PDE10A: variants seen among roughly 807,000 people sequenced by gnomAD.
PDE10A encodes cAMP and cAMP-inhibited cGMP 3',5'-cyclic phosphodiesterase 10A.
Under a neutral mutation model 97.7 loss-of-function variants are expected in PDE10A, and 39 were observed. That is an observed-to-expected ratio of 0.40 (90% confidence interval 0.31 to 0.52). The LOEUF is 0.52. Among genes scored for constraint, PDE10A ranks in the 20% least tolerant of loss-of-function variants. PDE10A has a pLI of 0.56. For missense variants in PDE10A, 731 were observed against 1,047.8 expected (o/e 0.70, Z 4.17); for synonymous variants, 371 against 376.8 (o/e 0.98, Z 0.18).
Position 165,395,282 on chromosome 6 carries a change from C to G in PDE10A, c.2220-18G>C. 4 of 1,501,196 alleles carry G rather than the reference C, an allele frequency of 2.7e-6. No homozygotes were observed. Among genetic ancestry groups the G allele is most frequent in the Non-Finnish European group, 3.7e-6 (4 of 1,077,466 alleles). The allele number at this position is 1,501,196 out of a possible 1,614,324, so 93.0% of individuals were successfully genotyped here. A position where few individuals can be genotyped will look rare whatever the true frequency, so the allele number is the denominator to read the frequency against. ...AGTGGAATCTGAAATTTTAAAAGGG[C>G]AGTTTATCACTAAACGTGATTAGAA... is the stretch of plus-strand genomic sequence containing the variant. On this transcript the variant is annotated intron_variant, in intron 14 of 21. Transcript: ENST00000539869.
intron 1 of PDE10A, among the ~76,000 whole-genome samples, chr6:165,868,632 G>A (rs1056765468): frequency 1.3e-5 from 2 of 151,974 alleles, no homozygotes; most frequent in Non-Finnish European, 2.9e-5. Context: ...AAAAATTGAA[G>A]AGAAGGAAAT....
At chr6:165,356,532 G>GT (rs1783039289) in intron 18 of PDE10A, among the ~76,000 whole-genome samples, 1 of 151,930 alleles carries the variant, frequency 6.6e-6, no homozygotes, top group Admixed American at 6.6e-5. Context: ...TAAGGATCTT[G>GT]TTTTTTAGCA....
chr6:165,707,580 C>CTG (rs934988839), intron 1 of PDE10A, among the ~76,000 whole-genome samples: 4 of 151,828 alleles, frequency 2.6e-5, no homozygotes, highest in Non-Finnish European at 2.9e-5. Flanking sequence ...CATGCTTGCA[C>CTG]TGTGTGTGTG....
chr6:165,940,286 G>A (rs1382144617), intron 1 of PDE10A: 3 of 152,226 alleles, frequency 2.0e-5, no homozygotes, highest in African/African-American at 7.2e-5. Context: ...AGACAGGGTT[G>A]GCCCAAATAA....
At chr6:165,861,360 A>G (rs1366020630) in intron 1 of PDE10A, among the ~76,000 whole-genome samples, 1 of 151,792 alleles carries the variant, frequency 6.6e-6, no homozygotes, top group African/African-American at 2.4e-5. Flanking sequence ...CAATGAGCAG[A>G]TAGTAAAACA....
chr6:165,639,269 T>C (rs1206765655), intron 1 of PDE10A, among the ~76,000 whole-genome samples: 1 of 152,210 alleles, frequency 6.6e-6, no homozygotes, highest in African/African-American at 2.4e-5. Flanking sequence ...CTCCAGTCAA[T>C]TGACTGCAAG....
intron 1 of PDE10A, among the ~76,000 whole-genome samples, chr6:165,583,476 G>A (rs765463337): frequency 6.6e-6 from 1 of 152,214 alleles, no homozygotes; most frequent in African/African-American, 2.4e-5. Flanking sequence ...ATCTTGAGAG[G>A]AGGAGTTTAC....
intron 1 of PDE10A, among the ~76,000 whole-genome samples, chr6:165,811,195 C>G (rs760979222): frequency 2.0e-5 from 3 of 152,198 alleles, no homozygotes; most frequent in Non-Finnish European, 4.4e-5. Flanking sequence ...TGCACTCCAG[C>G]CTGGGTGACA....
chr6:165,586,983 C>T (rs1019771103), intron 1 of PDE10A, among the ~76,000 whole-genome samples: 1 of 152,150 alleles, frequency 6.6e-6, no homozygotes, highest in African/African-American at 2.4e-5. Flanking sequence ...GTGGCAGCAC[C>T]TTTGGAACCA....
intron 10 of PDE10A, among the ~76,000 whole-genome samples, chr6:165,424,656 A>G (rs1413418971): frequency 6.6e-6 from 1 of 152,174 alleles, no homozygotes; most frequent in Admixed American, 6.5e-5. Flanking sequence ...CCAAAGATAG[A>G]AAAAAAGAAC....
At chr6:165,431,631 T>TAC (rs1789583077) in intron 7 of PDE10A, among the ~76,000 whole-genome samples, 159 bp from the exon 8 acceptor site, 1 of 146,972 alleles carries the variant, frequency 6.8e-6, no homozygotes, top group African/African-American at 2.5e-5. Context: ...CATATATATA[T>TAC]ATATACACAC....
chr6:165,716,938 C>T (rs1476407766), intron 1 of PDE10A, among the ~76,000 whole-genome samples: 2 of 152,164 alleles, frequency 1.3e-5, no homozygotes, highest in African/African-American at 4.8e-5. Flanking sequence ...CGTCCATCTC[C>T]AGAACACTTT....
chr6:165,642,004 G>A (rs569632116), intron 1 of PDE10A, among the ~76,000 whole-genome samples: 5 of 116,770 alleles, frequency 4.3e-5, no homozygotes, highest in South Asian at 2.9e-4. Flanking sequence ...CATTCGGGGC[G>A]TGGAATCATG....
At chr6:165,925,730 A>C (rs1782913262) in intron 1 of PDE10A, among the ~76,000 whole-genome samples, 1 of 152,256 alleles carries the variant, frequency 6.6e-6, no homozygotes, top group African/African-American at 2.4e-5. Flanking sequence ...ATGGGAGATA[A>C]AAGCATTGGC....
chr6:165,834,876 C>T (rs1029130636), intron 1 of PDE10A, among the ~76,000 whole-genome samples: 2 of 152,238 alleles, frequency 1.3e-5, no homozygotes, highest in African/African-American at 4.8e-5. Flanking sequence ...TACGGCAGAG[C>T]TGGGGATGCA....
chr6:165,919,944 A>G (rs1275571767), intron 1 of PDE10A, among the ~76,000 whole-genome samples: 1 of 152,122 alleles, frequency 6.6e-6, no homozygotes, highest in Non-Finnish European at 1.5e-5. Flanking sequence ...TATTCCTTAG[A>G]GTCTCTGATT....
At chr6:165,426,339 T>C (rs544946716) in intron 10 of PDE10A, among the ~76,000 whole-genome samples, 41 of 152,284 alleles carry the variant, frequency 2.7e-4, no homozygotes, top group African/African-American at 8.7e-4. Flanking sequence ...CACAGACATA[T>C]AGAGCAACAG....
At chr6:165,550,223 A>C (rs552176409) in intron 1 of PDE10A, among the ~76,000 whole-genome samples, 1 of 152,318 alleles carries the variant, frequency 6.6e-6, no homozygotes, top group South Asian at 2.1e-4. Context: ...AAGGGAAAAT[A>C]CACTAAATTT....
At chr6:165,484,462 C>T (rs1018164340) in intron 2 of PDE10A, among the ~76,000 whole-genome samples, 6 of 152,222 alleles carry the variant, frequency 3.9e-5, no homozygotes, top group Non-Finnish European at 7.3e-5. Context: ...TCATAGAGCG[C>T]AAACCCTACT....
Sources: allele counts gnomAD v4.1 joint callset (sites outside exome capture counted in the v4.1 genomes callset), GRCh38; gene constraint gnomAD v4.1.1; transcripts MANE v1.5; gene names NCBI Gene and HGNC (gene_info 2026-07-23, HGNC 2026-07-21).